Variants in RGS7 observed in about 807,000 individuals in gnomAD.
RGS7 encodes the protein regulator of G-protein signaling 7.
A neutral mutation model predicts 81.1 loss-of-function variants in RGS7; 27 were observed. The observed-to-expected ratio is 0.33, with a 90% CI of 0.25 to 0.46. RGS7 has a LOEUF of 0.46. Among genes scored for constraint, RGS7 ranks in the 20% least tolerant of loss-of-function variants. RGS7 has a pLI of 1.00. For missense variants in RGS7, 396 were observed against 607.4 expected (o/e 0.65, Z 3.66); for synonymous variants, 208 against 207.7 (o/e 1.00, Z -0.01).
rs1681336667 is a variant in RGS7, at chr1:240,961,008, AC to A, written c.226+22070del. On this transcript the variant is annotated intron_variant, in intron 4 of 18. Coordinates refer to ENST00000440928, the MANE Select transcript of RGS7 (RefSeq NM_001364886.1). ...AAAATTATGAAAGTGGGATAAAAGG[AC>A]AAAAGCTCTGAAAAACAAATGGTTG... Among the ~76,000 whole-genome samples the A allele has an allele frequency of 2.0e-5, 3 of 152,364 alleles. No homozygotes were observed. The South Asian group carries it at 6.2e-4, about 32-fold the overall frequency.
At chr1:241,024,815 G>T (rs2148707452) in intron 3 of RGS7, among the ~76,000 whole-genome samples, 1 of 152,228 alleles carries the variant, frequency 6.6e-6, no homozygotes, top group East Asian at 1.9e-4. Context: ...GGCCTGTTTT[G>T]TATTGTACCC....
At chr1:241,157,065 T>A (rs535694736) in intron 2 of RGS7, among the ~76,000 whole-genome samples, 1 of 151,986 alleles carries the variant, frequency 6.6e-6, no homozygotes, top group South Asian at 2.1e-4. Flanking sequence ...CAAGAGTAAG[T>A]ACGTTATTTG....
rs370900893 is a variant in RGS7, at chr1:241,244,100, T to C, written c.78+111599A>G. On this transcript the variant is annotated intron_variant, in intron 2 of 18. Coordinates refer to ENST00000440928, the MANE Select transcript of RGS7 (RefSeq NM_001364886.1). ...TTAAACTGACCTATCCAGGTACATA[T>C]TATTATTTTCTTAGAAAATGTGTGT... Among the ~76,000 whole-genome samples, 15 of 152,270 alleles carry C rather than the reference T, an allele frequency of 9.9e-5. 1 individual carries two copies. The East Asian group carries it at 2.1e-3, about 22-fold the overall frequency.
At chr1:241,302,263 C>T (rs751037254) in intron 2 of RGS7, among the ~76,000 whole-genome samples, 5 of 152,042 alleles carry the variant, frequency 3.3e-5, no homozygotes, top group Admixed American at 6.6e-5. Flanking sequence ...ACTTTGGCTT[C>T]GGCCGGCCGG....
Position 241,005,482 on chromosome 1 carries a change from C to T in RGS7, c.176-22353G>A, listed in dbSNP as rs1482971635. Among the ~76,000 whole-genome samples, 5 of 151,990 alleles carry T rather than the reference C, an allele frequency of 3.3e-5. No homozygotes were observed. The East Asian group carries it at 5.8e-4, about 18-fold the overall frequency. On this transcript the variant is annotated intron_variant, in intron 3 of 18. Transcript: ENST00000440928. Reference sequence around the variant, plus strand: ...TTTCTGTCACCACGTTTTAGTTTTGCTTTTATGAAATGAAATCTCACACTA... The same window carrying T: ...TTTCTGTCACCACGTTTTAGTTTTGTTTTTATGAAATGAAATCTCACACTA...
At chr1:240,996,016 TTG>T (rs1687233159) in intron 3 of RGS7, among the ~76,000 whole-genome samples, 1 of 147,806 alleles carries the variant, frequency 6.8e-6, no homozygotes, top group African/African-American at 2.6e-5. Context: ...TTTATTTTTA[TTG>T]TTTTTTTTTT....
At chr1:240,934,789 G>A (rs1395850676) in intron 5 of RGS7, among the ~76,000 whole-genome samples, 1 of 143,128 alleles carries the variant, frequency 7.0e-6, no homozygotes, top group Non-Finnish European at 1.5e-5. Context: ...TATGTCATTT[G>A]TACCCATTCC....
At chr1:240,934,059 G>T (rs1408363904) in intron 5 of RGS7, among the ~76,000 whole-genome samples, 1 of 152,138 alleles carries the variant, frequency 6.6e-6, no homozygotes, top group Non-Finnish European at 1.5e-5. Flanking sequence ...CGCCTCCTGG[G>T]TTCAAGCAAT....
intron 18 of RGS7, among the ~76,000 whole-genome samples, chr1:240,785,508 A>T (rs1684918908): frequency 6.6e-6 from 1 of 152,232 alleles, no homozygotes; most frequent in Non-Finnish European, 1.5e-5. Flanking sequence ...GTTAAACATT[A>T]ATATTATAGC....
intron 6 of RGS7, among the ~76,000 whole-genome samples, chr1:240,881,162 T>C (rs1666295103): frequency 6.6e-6 from 1 of 152,170 alleles, no homozygotes; most frequent in South Asian, 2.1e-4. Context: ...TGGAATATGA[T>C]GCAGCCATAA....
At chr1:241,234,921 A>C (rs2075847963) in intron 2 of RGS7, among the ~76,000 whole-genome samples, 1 of 152,156 alleles carries the variant, frequency 6.6e-6, no homozygotes, top group Non-Finnish European at 1.5e-5. Flanking sequence ...CCACATGGTT[A>C]CCAAATCTCT....
intron 3 of RGS7, among the ~76,000 whole-genome samples, chr1:241,041,353 G>C (rs1396994200): frequency 6.6e-6 from 1 of 151,830 alleles, no homozygotes; most frequent in Non-Finnish European, 1.5e-5. Flanking sequence ...TGTCTTCCTT[G>C]TCAGTTCATT....
chr1:241,145,782 A>G (rs1459976168), intron 2 of RGS7, among the ~76,000 whole-genome samples: 1 of 152,180 alleles, frequency 6.6e-6, no homozygotes, highest in Non-Finnish European at 1.5e-5. Flanking sequence ...TAATAAATAC[A>G]AAAATAAATA....
chr1:241,173,178 G>A (rs1284354846), intron 2 of RGS7, among the ~76,000 whole-genome samples: 3 of 152,252 alleles, frequency 2.0e-5, no homozygotes, highest in African/African-American at 7.2e-5. Context: ...TTTCCAAGGT[G>A]AAGGTCTAGG....
At chr1:241,063,609 C>T (rs2061863204) in intron 3 of RGS7, among the ~76,000 whole-genome samples, 2 of 152,174 alleles carry the variant, frequency 1.3e-5, no homozygotes. Flanking sequence ...CCTGCTTTCA[C>T]CGGCTTTTGA....
intron 1 of RGS7, among the ~76,000 whole-genome samples, chr1:241,356,404 G>T (rs945465645): frequency 3.9e-5 from 6 of 152,266 alleles, no homozygotes; most frequent in South Asian, 4.1e-4. Flanking sequence ...TCACCTGCCT[G>T]CGCTGCCAGC....
chr1:241,139,710 G>A (rs1046531064), intron 2 of RGS7, among the ~76,000 whole-genome samples: 2 of 152,112 alleles, frequency 1.3e-5, no homozygotes, highest in African/African-American at 4.8e-5. Context: ...GTGTTTAGTG[G>A]TATCTCACTG....
chr1:240,926,959 A>T (rs1674550316), intron 6 of RGS7, among the ~76,000 whole-genome samples: 1 of 152,164 alleles, frequency 6.6e-6, no homozygotes, highest in African/African-American at 2.4e-5. Context: ...ATATCAACTG[A>T]TCTATTGAGG....
intron 3 of RGS7, among the ~76,000 whole-genome samples, chr1:241,057,670 T>A (rs1230161247): frequency 6.6e-6 from 1 of 152,082 alleles, no homozygotes; most frequent in Non-Finnish European, 1.5e-5. Context: ...TCCCAGCACT[T>A]TGGGAGGCCG....
Sources: allele counts gnomAD v4.1 joint callset (sites outside exome capture counted in the v4.1 genomes callset), GRCh38; gene constraint gnomAD v4.1.1; transcripts MANE v1.5; gene names NCBI Gene and HGNC (gene_info 2026-07-23, HGNC 2026-07-21).